LRRC4C: variants seen among roughly 807,000 people sequenced by gnomAD.
LRRC4C encodes leucine-rich repeat-containing protein 4C.
Under a neutral mutation model 33.6 loss-of-function variants are expected in LRRC4C, and 5 were observed. The observed-to-expected ratio is 0.15, with a 90% CI of 0.08 to 0.31. The LOEUF (loss-of-function observed/expected upper bound fraction) is 0.31. LRRC4C is among the 10% of genes least tolerant of loss of function. The pLI is 1.00. For missense variants in LRRC4C, 560 were observed against 796.7 expected, an observed-to-expected ratio of 0.70 and a Z score of 3.58; for synonymous variants, 329 against 302.0, an observed-to-expected ratio of 1.09 and a Z score of -0.93.
chr11:41,158,782 A>G (rs2136010511), intron 1 of LRRC4C, among the ~76,000 whole-genome samples: 1 of 152,316 alleles, frequency 6.6e-6, no homozygotes, highest in African/African-American at 2.4e-5. Context: ...TGAAAACAAC[A>G]GCACCATGAA....
intron 3 of LRRC4C, among the ~76,000 whole-genome samples, chr11:40,430,915 G>A (rs1950896869): frequency 7.8e-6 from 1 of 127,490 alleles, no homozygotes; most frequent in South Asian, 2.8e-4. Flanking sequence ...CATGGACACA[G>A]GAAGGGGAAT....
At chr11:40,578,067 C>T (rs1334368311) in intron 3 of LRRC4C, among the ~76,000 whole-genome samples, 3 of 145,268 alleles carry the variant, frequency 2.1e-5, no homozygotes, top group South Asian at 4.4e-4. Flanking sequence ...ATCTCCTGAC[C>T]TTGTGATCCA....
At chr11:41,023,608 G>T (rs1047687763) in intron 1 of LRRC4C, among the ~76,000 whole-genome samples, 3 of 151,764 alleles carry the variant, frequency 2.0e-5, no homozygotes, top group African/African-American at 7.2e-5. Flanking sequence ...CAGTGATAAG[G>T]TGGGAGAAGA....
At chr11:40,873,017 A>G (rs1285971701) in intron 2 of LRRC4C, among the ~76,000 whole-genome samples, 1 of 152,136 alleles carries the variant, frequency 6.6e-6, no homozygotes, top group Non-Finnish European at 1.5e-5. Flanking sequence ...ATGAGGGGAA[A>G]AATATCTCAG....
intron 2 of LRRC4C, among the ~76,000 whole-genome samples, chr11:40,786,037 C>T (rs11036077): frequency 0.051 from 7,808 of 152,146 alleles, 209 homozygotes; most frequent in Middle Eastern, 0.062. Context: ...TCTTTCCCAT[C>T]ATTTTTCTTA....
intron 1 of LRRC4C, among the ~76,000 whole-genome samples, chr11:41,191,783 A>G (rs1334306263): frequency 6.6e-6 from 1 of 152,160 alleles, no homozygotes; most frequent in Non-Finnish European, 1.5e-5. Flanking sequence ...ATTAATGCAT[A>G]AGATATACTT....
At chr11:40,499,861 T>C (rs1435948026) in intron 3 of LRRC4C, among the ~76,000 whole-genome samples, 4 of 152,160 alleles carry the variant, frequency 2.6e-5, no homozygotes, top group Non-Finnish European at 2.9e-5. Flanking sequence ...GTGCATCAGA[T>C]GAAGCAATAA....
chr11:41,384,060 T>C (rs189856375), intron 1 of LRRC4C, among the ~76,000 whole-genome samples: 4 of 152,044 alleles, frequency 2.6e-5, no homozygotes, highest in African/African-American at 7.2e-5. Context: ...TTACATACAA[T>C]TTTGGTAATG....
chr11:41,388,476 C>T (rs1294027200), intron 1 of LRRC4C, among the ~76,000 whole-genome samples: 5 of 151,822 alleles, frequency 3.3e-5, no homozygotes, highest in African/African-American at 1.2e-4. Context: ...TATACTATGA[C>T]AAACACTGTG....
intron 1 of LRRC4C, among the ~76,000 whole-genome samples, chr11:41,250,154 G>A (rs1373038817): frequency 1.3e-5 from 2 of 152,120 alleles, no homozygotes; most frequent in Non-Finnish European, 2.9e-5. Context: ...GGGCAACAGA[G>A]CAAGACTTCA....
At chr11:41,378,737 A>T (rs1953032243) in intron 1 of LRRC4C, among the ~76,000 whole-genome samples, 1 of 152,152 alleles carries the variant, frequency 6.6e-6, no homozygotes, top group African/African-American at 2.4e-5. Context: ...GTATGATTTC[A>T]TTTTGTTGTA....
At chr11:41,185,269 A>G (rs1945643188) in intron 1 of LRRC4C, among the ~76,000 whole-genome samples, 1 of 152,222 alleles carries the variant, frequency 6.6e-6, no homozygotes, top group South Asian at 2.1e-4. Flanking sequence ...AAAGGGATAA[A>G]ATATACATTA....
intron 2 of LRRC4C, among the ~76,000 whole-genome samples, chr11:40,878,291 AC>A (rs1334561386): frequency 6.6e-6 from 1 of 152,164 alleles, no homozygotes; most frequent in Non-Finnish European, 1.5e-5. Flanking sequence ...CAGCTTAATT[AC>A]CACTTGCCAC....
At chr11:40,304,583 T>C (rs1008723191) in intron 4 of LRRC4C, among the ~76,000 whole-genome samples, 1 of 152,202 alleles carries the variant, frequency 6.6e-6, no homozygotes, top group African/African-American at 2.4e-5. Context: ...CCTCAGAAGC[T>C]ACCCTTTTAG....
intron 1 of LRRC4C, among the ~76,000 whole-genome samples, chr11:41,078,158 A>G (rs948093581): frequency 1.3e-5 from 2 of 152,188 alleles, no homozygotes; most frequent in African/African-American, 4.8e-5. Flanking sequence ...AAGCCATTCA[A>G]CAAGTCTCTA....
intron 1 of LRRC4C, among the ~76,000 whole-genome samples, chr11:41,087,239 C>T (rs1020260956): frequency 6.6e-6 from 1 of 152,102 alleles, no homozygotes; most frequent in Non-Finnish European, 1.5e-5. Flanking sequence ...AATACCATAG[C>T]TGAATCCACG....
chr11:40,376,147 C>T (rs1948651607), intron 3 of LRRC4C, among the ~76,000 whole-genome samples: 1 of 151,980 alleles, frequency 6.6e-6, no homozygotes, highest in South Asian at 2.1e-4. Flanking sequence ...TTTTCATATC[C>T]ATGTTCACAA....
At chr11:40,197,765 C>G (rs1862382319) in intron 5 of LRRC4C, among the ~76,000 whole-genome samples, 1 of 152,076 alleles carries the variant, frequency 6.6e-6, no homozygotes, top group South Asian at 2.1e-4. Flanking sequence ...TATGTTTTAT[C>G]TCAACAACAT....
intron 5 of LRRC4C, among the ~76,000 whole-genome samples, chr11:40,214,564 G>A (rs546321126): frequency 7.2e-5 from 11 of 152,128 alleles, no homozygotes; most frequent in African/African-American, 1.9e-4. Context: ...GGTTAAATGA[G>A]GTCATCAGAG....
Sources: gnomAD v4.1 joint callset for allele counts (sites outside exome capture counted in the v4.1 genomes callset) on GRCh38, gnomAD v4.1.1 for gene constraint, MANE v1.5 for transcripts, NCBI Gene and HGNC (gene_info 2026-07-23, HGNC 2026-07-21) for gene names.